The following DGKB variants were observed in gnomAD, a reference collection of about 807,000 sequenced individuals.
The protein encoded by DGKB is 90 kDa diacylglycerol kinase.
DGKB carries 67 observed loss-of-function variants against 114.3 expected under a neutral mutation model. That is an observed-to-expected ratio of 0.59 (90% CI 0.48 to 0.72). The LOEUF is 0.72. DGKB is among the 30% of genes least tolerant of loss of function. DGKB has a pLI of 0.00. For missense variants in DGKB, 907 were observed against 975.2 expected (o/e 0.93, Z 0.93); for synonymous variants, 398 against 323.1 (o/e 1.23, Z -2.49).
intron 1 of DGKB, among the ~76,000 whole-genome samples, chr7:14,930,586 T>C (rs544375597): frequency 6.6e-6 from 1 of 152,344 alleles, no homozygotes; most frequent in South Asian, 2.1e-4. Flanking sequence ...AATTCATTTA[T>C]CAATATAAAA....
intron 1 of DGKB, among the ~76,000 whole-genome samples, chr7:14,969,870 T>C (rs1787359328): frequency 6.6e-6 from 1 of 152,224 alleles, no homozygotes; most frequent in South Asian, 2.1e-4. Flanking sequence ...AGTATTTGTG[T>C]ATTGAAACAC....
chr7:14,919,056 C>CCA (rs1352097369), intron 1 of DGKB, among the ~76,000 whole-genome samples: 1 of 96,430 alleles, frequency 1.0e-5, no homozygotes, highest in Non-Finnish European at 2.1e-5. Flanking sequence ...TGAGACTCCA[C>CCA]CACACGCACA....
At chr7:14,914,273 G>A (rs1028663168) in intron 1 of DGKB, among the ~76,000 whole-genome samples, 1 of 152,072 alleles carries the variant, frequency 6.6e-6, no homozygotes, top group African/African-American at 2.4e-5. Context: ...CCCATCTGAG[G>A]TCTCTGCCAA....
chr7:14,697,997 A>AAAAGAAAG (rs3071276), intron 8 of DGKB, 98 bp downstream of exon 8: 1 of 678,378 alleles, frequency 1.5e-6, no homozygotes, highest in African/African-American at 1.9e-5. Context: ...GAGAAAGAAA[A>AAAAGAAAG]AAAGAAAGAA....
At chr7:14,612,344 G>GT (rs1805714709) in intron 16 of DGKB, among the ~76,000 whole-genome samples, 1 of 151,466 alleles carries the variant, frequency 6.6e-6, no homozygotes, top group Non-Finnish European at 1.5e-5. Flanking sequence ...TAATTTTTTC[G>GT]TATTTTAGTA....
Position 14,696,885 on chromosome 7 carries a change from G to A in DGKB, c.591+1210C>T, listed in dbSNP as rs182064260. 2.0e-5 allele frequency among the ~76,000 whole-genome samples: 3 copies of A among 152,270 alleles called. No homozygotes were observed. The East Asian group carries it at 5.8e-4, about 29-fold the overall frequency. The stretch of plus-strand genomic sequence containing the variant: ...CCAGTAAGACAGGAAAATGCTATCA[G>A]AGTTCTTGCAGCATATACTCATGCC... On this transcript the variant is annotated intron_variant, in intron 8 of 25. Transcript: ENST00000402815.
At chr7:14,929,271 T>C (rs1245677069) in intron 1 of DGKB, among the ~76,000 whole-genome samples, 2 of 152,038 alleles carry the variant, frequency 1.3e-5, no homozygotes, top group African/African-American at 4.8e-5. Flanking sequence ...GTTGAATAAA[T>C]TGGGAGTTCA....
intron 2 of DGKB, among the ~76,000 whole-genome samples, chr7:14,786,025 G>A (rs1839844248): frequency 6.6e-6 from 1 of 151,718 alleles, no homozygotes; most frequent in African/African-American, 2.4e-5. Context: ...CTTTTTGAAA[G>A]TCATCCATCT....
At chr7:14,790,476 T>C (rs887366537) in intron 2 of DGKB, among the ~76,000 whole-genome samples, 2 of 147,226 alleles carry the variant, frequency 1.4e-5, no homozygotes, top group Admixed American at 6.8e-5. Context: ...TTTTCTGAGG[T>C]GCACAATTTA....
intron 21 of DGKB, among the ~76,000 whole-genome samples, chr7:14,476,239 C>T (rs2128900538): frequency 6.6e-6 from 1 of 151,966 alleles, no homozygotes; most frequent in East Asian, 1.9e-4. Context: ...ATGTTTTGTA[C>T]ACATTAATAG....
chr7:14,879,821 G>T (rs1209527189), intron 1 of DGKB, among the ~76,000 whole-genome samples: 1 of 152,142 alleles, frequency 6.6e-6, no homozygotes, highest in Non-Finnish European at 1.5e-5. Context: ...TCCAGAAACT[G>T]TGCAAAATGA....
chr7:14,827,630 T>G (rs1445723887), intron 2 of DGKB, among the ~76,000 whole-genome samples: 1 of 152,180 alleles, frequency 6.6e-6, no homozygotes, highest in Non-Finnish European at 1.5e-5. Context: ...TCAAGGAGAC[T>G]GTTACAGAAT....
intron 21 of DGKB, among the ~76,000 whole-genome samples, chr7:14,402,276 A>G (rs1281930783): frequency 6.6e-6 from 1 of 151,904 alleles, no homozygotes; most frequent in Non-Finnish European, 1.5e-5. Context: ...TTCAAGCTAA[A>G]TGAAAGTTCC....
intron 25 of DGKB, among the ~76,000 whole-genome samples, chr7:14,175,059 C>G (rs2128241609): frequency 6.6e-6 from 1 of 152,340 alleles, no homozygotes; most frequent in South Asian, 2.1e-4. Flanking sequence ...AAAATTCCTT[C>G]TTACATGCTA....
chr7:14,530,688 G>A (rs1245610085), intron 20 of DGKB, among the ~76,000 whole-genome samples: 1 of 151,416 alleles, frequency 6.6e-6, no homozygotes, highest in East Asian at 1.9e-4. Context: ...ATATAGCAAG[G>A]TAGTTCAAAC....
At chr7:14,542,566 G>C (rs938543028) in intron 20 of DGKB, among the ~76,000 whole-genome samples, 22 of 152,074 alleles carry the variant, frequency 1.4e-4, no homozygotes, top group African/African-American at 5.3e-4. Flanking sequence ...GCATTTCACT[G>C]CTTTGCCTGG....
intron 21 of DGKB, among the ~76,000 whole-genome samples, chr7:14,427,901 T>C (rs1206306154): frequency 2.0e-5 from 3 of 152,160 alleles, no homozygotes; most frequent in Non-Finnish European, 2.9e-5. Flanking sequence ...TATAAAACTG[T>C]AGATTCAAGT....
chr7:14,698,720 T>G (rs1318717671), intron 7 of DGKB, among the ~76,000 whole-genome samples: 1 of 152,284 alleles, frequency 6.6e-6, no homozygotes, highest in African/African-American at 2.4e-5. Flanking sequence ...AATTTTAGTT[T>G]GAATTTCCAT....
chr7:14,818,230 T>C (rs760176924), intron 2 of DGKB, among the ~76,000 whole-genome samples: 4 of 152,198 alleles, frequency 2.6e-5, no homozygotes, highest in Non-Finnish European at 4.4e-5. Flanking sequence ...ATAATCCTCC[T>C]ACAAGTGACC....
Sources: gnomAD v4.1 joint callset for allele counts (sites outside exome capture counted in the v4.1 genomes callset) on GRCh38, gnomAD v4.1.1 for gene constraint, MANE v1.5 for transcripts, NCBI Gene and HGNC (gene_info 2026-07-23, HGNC 2026-07-21) for gene names.